The following PDGFB variants were observed in gnomAD, a reference collection of about 807,000 sequenced individuals.
PDGFB encodes platelet derived growth factor subunit B.
PDGFB carries 6 observed loss-of-function variants against 29.0 expected under a neutral mutation model. The observed-to-expected ratio is 0.21, with a 90% CI of 0.11 to 0.41. The LOEUF (loss-of-function observed/expected upper bound fraction) is 0.41. Ranked by LOEUF, PDGFB falls within the 10% of genes least tolerant of loss-of-function variation. The pLI is 1.00. For synonymous variants in PDGFB, 144 were observed against 140.8 expected (o/e 1.02, Z -0.16); for missense variants, 299 against 341.8 (o/e 0.87, Z 0.99).
In PDGFB at chr22:39,235,802, G is replaced by A. The variant is rs758693929; in HGVS notation, c.136C>T (p.Arg46Cys). 17 of 1,613,394 alleles carry A rather than the reference G, an allele frequency of 1.1e-5. No individual in the cohort carries two copies. Among genetic ancestry groups the A allele is most frequent in the Non-Finnish European group, 2.5e-6 (3 of 1,179,494 alleles). The stretch of plus-strand genomic sequence containing the variant: ...CCTCCGGGGTCTCCGTGCAGCAGGC[G>A]TTGGAGATCATCAAAGGAGCGGATC... Reference protein sequence around the residue: ...HSIRSFDDLQRLLHGDPGEED... With the variant: ...HSIRSFDDLQCLLHGDPGEED... The change falls in exon 2 of 7, where the codon CGC becomes TGC. Residue 46 changes from arginine to cysteine, a missense_variant. Coordinates refer to ENST00000331163, the MANE Select transcript of PDGFB (RefSeq NM_002608.4).
chr22:39,235,123 G>A (rs529089182), intron 2 of PDGFB, among the ~76,000 whole-genome samples: 2 of 152,354 alleles, frequency 1.3e-5, no homozygotes, highest in South Asian at 4.1e-4. Flanking sequence ...CGTAGATAGC[G>A]TCTGGGCAAG....
rs377503522 is a variant in PDGFB at position 39,231,800 on chromosome 22, A to G, written c.278T>C (p.Met93Thr). The change falls in exon 4 of 7, where the codon ATG (methionine) becomes ACG (threonine). Residue 93 changes from methionine (M) to threonine (T), a missense_variant. Physicochemically the swap from Met to Thr is moderately conservative, Grantham distance 81 (BLOSUM62 -1). Coordinates refer to ENST00000331163, the MANE Select transcript of PDGFB (RefSeq NM_002608.4). This position sits in a 1 kb window ranked among gnomAD's most constrained non-coding sequence, Gnocchi z 4.3. ...GGTGCGCGTCTTGCACTCGGCGATCATGGCCGGCTCAGCAATGGTCAGGGA... is the reference window on the plus strand; with the variant it reads ...GGTGCGCGTCTTGCACTCGGCGATCGTGGCCGGCTCAGCAATGGTCAGGGA... ...LGSLTIAEPA[M>T]IAECKTRTEV... 3.8e-5 allele frequency: 61 copies of G among 1,613,506 alleles called. No homozygotes were observed. Among genetic ancestry groups the G allele is most frequent in the Non-Finnish European group, 4.7e-5 (56 of 1,179,944 alleles).
At chr22:39,241,194 G>A in intron 1 of PDGFB, 1 of 490,680 alleles carries the variant, frequency 2.0e-6, no homozygotes. Flanking sequence ...TCAGCTGGTG[G>A]AGATGGCACC....
rs1257734861 is a variant in PDGFB, at chr22:39,244,906, T to C, written c.-943A>G. On this transcript the variant is annotated 5_prime_UTR_variant, in exon 1 of 7. Transcript: ENST00000331163. This position sits in a 1 kb window ranked among gnomAD's most constrained non-coding sequence, Gnocchi z 4.5. ...GGCGCTGGCGGCCGGAGGGGAGCCCTAGGGAGGCAGCGGGGGAGGCTGCGG... is the reference window on the plus strand; with the variant it reads ...GGCGCTGGCGGCCGGAGGGGAGCCCCAGGGAGGCAGCGGGGGAGGCTGCGG... Among the ~76,000 whole-genome samples, 1 of 150,560 alleles carries C rather than the reference T, an allele frequency of 6.6e-6. No individual in the cohort carries two copies. Among genetic ancestry groups the C allele is most frequent in the African/African-American group, 2.4e-5 (1 of 40,876 alleles).
intron 5 of PDGFB, among the ~76,000 whole-genome samples, chr22:39,226,843 G>C (rs186962001): frequency 1.3e-5 from 2 of 152,310 alleles, no homozygotes; most frequent in East Asian, 3.9e-4. Context: ...GGTAGAGTGG[G>C]ATGGGCCACA....
At chr22:39,235,691 G>T in intron 2 of PDGFB, 87 bp downstream of exon 2, 1 of 925,504 alleles carries the variant, frequency 1.1e-6, no homozygotes, top group Admixed American at 2.0e-5. Context: ...CAGACGTCAA[G>T]AAGGAGGGAT....
Position 39,242,440 on chromosome 22 carries a change from C to T in PDGFB, c.63+1461G>A, listed in dbSNP as rs567415241. The T allele has an allele frequency of 1.5e-5, 3 of 198,948 alleles. No homozygotes were observed. The highest frequency in any genetic ancestry group is 1.6e-4 in the East Asian group (2 of 12,744). The allele number at this position is 198,948 out of a possible 1,614,324, so 12.3% of individuals were successfully genotyped here. ...GCGGCAGCTGGGGCCGGCCGGCCAC[C>T]CCCTCCCCAACAGCTGGCCGCGGCC... On this transcript the variant is annotated intron_variant, in intron 1 of 6. Coordinates refer to ENST00000331163, the MANE Select transcript of PDGFB (RefSeq NM_002608.4). The surrounding 1 kb of genome is among the most constrained non-coding windows in gnomAD (Gnocchi z 5.7).
intron 1 of PDGFB, among the ~76,000 whole-genome samples, chr22:39,238,976 G>A (rs543491287): frequency 4.6e-5 from 7 of 152,342 alleles, no homozygotes; most frequent in South Asian, 2.1e-4. Context: ...ACCCTGTAGC[G>A]GAGGAAAGAG....
At chr22:39,240,770 A>C in intron 1 of PDGFB, 2 of 1,491,216 alleles carry the variant, frequency 1.3e-6, no homozygotes, top group East Asian at 2.3e-5. Context: ...ATAAACAATG[A>C]AATAAACCAG....
chr22:39,225,678 C>T lies in PDGFB; in HGVS notation c.*28+17G>A, dbSNP rs998981833. 1.4e-5 allele frequency: 23 copies of T among 1,593,858 alleles called. No individual in the cohort carries two copies. Among genetic ancestry groups the T allele is most frequent in the Non-Finnish European group, 2.0e-5 (23 of 1,167,474 alleles). On this transcript the variant is annotated intron_variant, in intron 6 of 6. Transcript: ENST00000331163. ...AACACAGGATTCTGGGCCTCAGTTG[C>T]CCCGCCTGGCCCTCACCTGCCCACA...
At chr22:39,240,553 C>T (rs1383573989) in intron 1 of PDGFB, among the ~76,000 whole-genome samples, 4 of 152,088 alleles carry the variant, frequency 2.6e-5, no homozygotes, top group Admixed American at 2.0e-4. Context: ...AAAAGGGGGG[C>T]TGCCCTCGGA....
At chr22:39,228,571 T>A (rs1447355372) in intron 5 of PDGFB, among the ~76,000 whole-genome samples, 1 of 147,916 alleles carries the variant, frequency 6.8e-6, no homozygotes, top group African/African-American at 2.5e-5. Flanking sequence ...CCAGCCTGGG[T>A]GATGGAGAGA....
Position 39,223,667 on chromosome 22 carries a change from G to A in PDGFB, c.*1675C>T, listed in dbSNP as rs2146425810. ...TTGTCACGCACGATGCCAACAGACAGACCTCCGGCGGATTCATTTGGTTTT... is the reference window on the plus strand; with the variant it reads ...TTGTCACGCACGATGCCAACAGACAAACCTCCGGCGGATTCATTTGGTTTT... On this transcript the variant is annotated 3_prime_UTR_variant, in exon 7 of 7. Coordinates refer to ENST00000331163, the MANE Select transcript of PDGFB (RefSeq NM_002608.4). 6.5e-6 allele frequency: 1 copy of A among 152,926 alleles called. No homozygotes were observed. Among genetic ancestry groups the A allele is most frequent in the South Asian group, 2.1e-4 (1 of 4,828 alleles). 9.5% of individuals were successfully genotyped at this position (152,926 alleles called of 1,614,324 possible). A position where few individuals can be genotyped will look rare whatever the true frequency, so the allele number is the denominator to read the frequency against.
At chr22:39,239,605 G>T (rs568123858) in intron 1 of PDGFB, among the ~76,000 whole-genome samples, 1 of 152,244 alleles carries the variant, frequency 6.6e-6, no homozygotes, top group East Asian at 1.9e-4. Flanking sequence ...AAGGAGGCCT[G>T]GCACCCTGAA....
intron 3 of PDGFB, among the ~76,000 whole-genome samples, chr22:39,232,125 G>A (rs1160462698): frequency 2.0e-5 from 3 of 152,234 alleles, no homozygotes; most frequent in Admixed American, 1.3e-4. Flanking sequence ...GTAAATGTCC[G>A]CTTCCCTCTG....
chr22:39,225,790 TTGG>T lies in PDGFB; in HGVS notation c.656_658del (p.Pro219_Lys220delinsGln). Reference sequence around the variant, plus strand: ...GTGCTTGAATTTCCGGTGCTTGCCCTTGGGGGGCCGGCGGACTCGCACCGTCCG... The same window carrying T: ...GTGCTTGAATTTCCGGTGCTTGCCCTGGGGCCGGCGGACTCGCACCGTCCG... On this transcript the variant is annotated inframe_deletion, in exon 6 of 7. Coordinates refer to ENST00000331163, the MANE Select transcript of PDGFB (RefSeq NM_002608.4). 6.2e-7 allele frequency: 1 copy of T among 1,614,166 alleles called. No individual in the cohort carries two copies. Among genetic ancestry groups the T allele is most frequent in the Admixed American group, 1.7e-5 (1 of 60,022 alleles).
At chr22:39,234,910 C>T (rs570410824) in intron 2 of PDGFB, among the ~76,000 whole-genome samples, 1 of 152,050 alleles carries the variant, frequency 6.6e-6, no homozygotes, top group African/African-American at 2.4e-5. Flanking sequence ...TGGCCAGGGG[C>T]GGCCAGTCGG....
intron 1 of PDGFB, among the ~76,000 whole-genome samples, chr22:39,239,191 C>A (rs1173555417): frequency 2.0e-5 from 3 of 152,178 alleles, no homozygotes; most frequent in Non-Finnish European, 2.9e-5. Flanking sequence ...CCGGATGGCT[C>A]CTTTGTGGGC....
chr22:39,230,273 C>T (rs1368590415), intron 4 of PDGFB, 45 bp from the exon 5 acceptor site: 2 of 1,607,038 alleles, frequency 1.2e-6, no homozygotes, highest in Admixed American at 3.4e-5. Context: ...ACCACACAGC[C>T]AGGAGCCCGG....
Sources: allele counts gnomAD v4.1 joint callset (sites outside exome capture counted in the v4.1 genomes callset), GRCh38; gene constraint gnomAD v4.1.1; non-coding constraint Gnocchi (gnomAD v3.1); transcripts MANE v1.5; gene names NCBI Gene and HGNC (gene_info 2026-07-23, HGNC 2026-07-21).